The following MRTFB variants were observed in gnomAD, a reference collection of about 807,000 sequenced individuals.
The protein encoded by MRTFB is myocardin related transcription factor B.
MRTFB carries 29 observed loss-of-function variants against 104.2 expected under a neutral mutation model. That is an observed-to-expected ratio of 0.28 (90% CI 0.21 to 0.38). The LOEUF (loss-of-function observed/expected upper bound fraction) is 0.38. MRTFB is among the 10% of genes least tolerant of loss of function. The pLI is 1.00. For missense variants in MRTFB, 1,270 were observed against 1,341.6 expected, an observed-to-expected ratio of 0.95 and a Z score of 0.83; for synonymous variants, 535 against 519.5, an observed-to-expected ratio of 1.03 and a Z score of -0.41.
intron 3 of MRTFB, among the ~76,000 whole-genome samples, chr16:14,204,554 G>A (rs947271062): frequency 6.6e-6 from 1 of 152,090 alleles, no homozygotes; most frequent in African/African-American, 2.4e-5. Flanking sequence ...TAAAAGTAGA[G>A]CAAATTCAAA....
Position 14,264,080 on chromosome 16 carries a change from G to A in MRTFB, c.*2636G>A, listed in dbSNP as rs953533915. 3.3e-5 allele frequency: 5 copies of A among 152,102 alleles called. No homozygotes were observed. Among genetic ancestry groups the A allele is most frequent in the African/African-American group, 4.8e-5 (2 of 41,384 alleles). The allele number at this position is 152,102 out of a possible 1,614,324, so 9.4% of individuals were successfully genotyped here. ...AAGGGTGGATATTGACTAAAGACTG[G>A]TTGTTGTTGTTGTTTAGGTTAGTGT... On this transcript the variant is annotated 3_prime_UTR_variant, in exon 17 of 17. Coordinates refer to ENST00000571589, the MANE Select transcript of MRTFB (RefSeq NM_001308142.2).
chr16:14,043,095 A>G, the MRTFB span, among the ~76,000 whole-genome samples: 1 of 152,314 alleles, frequency 6.6e-6, no homozygotes, highest in Non-Finnish European at 1.5e-5. Flanking sequence ...TTGGAAAAGC[A>G]AACTTGTGGC....
chr16:14,111,426 A>G (rs1486920029), intron 2 of MRTFB, among the ~76,000 whole-genome samples: 1 of 152,214 alleles, frequency 6.6e-6, no homozygotes, highest in Non-Finnish European at 1.5e-5. Context: ...TGAAGGAGGT[A>G]GAAAATCCCC....
chr16:14,197,538 T>C (rs905694417), intron 3 of MRTFB, among the ~76,000 whole-genome samples: 2 of 152,218 alleles, frequency 1.3e-5, no homozygotes, highest in African/African-American at 4.8e-5. Flanking sequence ...AGAAAATTAT[T>C]TTGTTAATTT....
intron 2 of MRTFB, among the ~76,000 whole-genome samples, chr16:14,112,485 C>A (rs1221583454): frequency 6.6e-6 from 1 of 152,232 alleles, no homozygotes; most frequent in East Asian, 1.9e-4. Flanking sequence ...CCTAGTAAAG[C>A]AGGAGGATTG....
the MRTFB span, among the ~76,000 whole-genome samples, chr16:14,017,264 G>A: frequency 1.2e-3 from 186 of 151,872 alleles, 1 homozygote; most frequent in African/African-American, 3.9e-3. Context: ...CACCATGTTA[G>A]CCAGGATGGT....
chr16:14,219,172 A>C (rs1597282625), intron 8 of MRTFB, among the ~76,000 whole-genome samples, 174 bp downstream of exon 8: 2 of 152,216 alleles, frequency 1.3e-5, no homozygotes, highest in East Asian at 3.8e-4. Flanking sequence ...ATTTCCAGCC[A>C]CTATGTCTTC....
the MRTFB span, among the ~76,000 whole-genome samples, chr16:14,041,083 T>C: frequency 4.0e-5 from 6 of 150,006 alleles, no homozygotes; most frequent in African/African-American, 1.2e-4. Context: ...CAGTGAGCCA[T>C]GATGACACTG....
intron 3 of MRTFB, among the ~76,000 whole-genome samples, chr16:14,155,451 A>G (rs1202546927): frequency 1.3e-5 from 2 of 152,118 alleles, no homozygotes; most frequent in African/African-American, 4.8e-5. Context: ...CCTCCTATTT[A>G]AGAGTTGCAT....
intron 2 of MRTFB, among the ~76,000 whole-genome samples, chr16:14,089,805 G>A (rs2034942567): frequency 6.6e-6 from 1 of 152,184 alleles, no homozygotes; most frequent in Non-Finnish European, 1.5e-5. Flanking sequence ...ACTTTTCCAT[G>A]ATTGTGTTTT....
chr16:14,246,459 G>C lies in MRTFB; in HGVS notation c.1213-14G>C. 6.2e-7 allele frequency: 1 copy of C among 1,611,734 alleles called. No individual in the cohort carries two copies. Among genetic ancestry groups the C allele is most frequent in the Non-Finnish European group, 8.5e-7 (1 of 1,178,306 alleles). ...GCTCTAATACTAAGATATCTGCTTTGTTTGTACCTCCAGGTATCAGAACTG... is the reference window on the plus strand; with the variant it reads ...GCTCTAATACTAAGATATCTGCTTTCTTTGTACCTCCAGGTATCAGAACTG... On this transcript the variant is annotated splice_polypyrimidine_tract_variant and intron_variant, in intron 11 of 16. Transcript: ENST00000571589.
At chr16:14,127,929 A>ATTTTTTT (rs67001306) in intron 2 of MRTFB, among the ~76,000 whole-genome samples, 4 of 44,640 alleles carry the variant, frequency 9.0e-5, no homozygotes, top group African/African-American at 3.6e-4. Flanking sequence ...ATATATATAT[A>ATTTTTTT]TTTTTTTTTT....
chr16:14,196,740 A>C (rs1402341571), intron 3 of MRTFB, among the ~76,000 whole-genome samples: 2 of 152,210 alleles, frequency 1.3e-5, no homozygotes, highest in African/African-American at 4.8e-5. Context: ...TCAGACAGGA[A>C]GTGCTGGTGG....
At chr16:14,147,686 C>CGGGAG (rs2142730363) in intron 3 of MRTFB, among the ~76,000 whole-genome samples, 1 of 152,256 alleles carries the variant, frequency 6.6e-6, no homozygotes, top group Non-Finnish European at 1.5e-5. Flanking sequence ...CATCAGAATG[C>CGGGAG]TAACATGGGC....
intron 8 of MRTFB, among the ~76,000 whole-genome samples, chr16:14,219,225 G>A (rs1320983216): frequency 6.6e-6 from 1 of 152,088 alleles, no homozygotes; most frequent in African/African-American, 2.4e-5. Context: ...TTGGAGAGTT[G>A]AATGTTTTGA....
At chr16:14,163,213 GT>G (rs11360521) in intron 3 of MRTFB, among the ~76,000 whole-genome samples, 35,594 of 151,704 alleles carry the variant, frequency 0.23, 7,892 homozygotes, top group African/African-American at 0.58. Flanking sequence ...TTTCATATTA[GT>G]TTTTTTTATA....
the MRTFB span, among the ~76,000 whole-genome samples, chr16:14,014,888 ACT>A: frequency 1.3e-5 from 2 of 151,146 alleles, no homozygotes; most frequent in Non-Finnish European, 3.0e-5. Flanking sequence ...AAAATAAAAA[ACT>A]CTCAGTTCGG....
intron 2 of MRTFB, among the ~76,000 whole-genome samples, chr16:14,088,299 G>A (rs756204826): frequency 2.6e-5 from 4 of 152,150 alleles, no homozygotes; most frequent in Non-Finnish European, 5.9e-5. Context: ...AGTTCTGTGA[G>A]GATAGATGTA....
intron 8 of MRTFB, among the ~76,000 whole-genome samples, chr16:14,228,764 C>T (rs1272386681): frequency 6.7e-6 from 1 of 149,896 alleles, no homozygotes; most frequent in Non-Finnish European, 1.5e-5. Flanking sequence ...GCAAATTCTG[C>T]ATTCCGTCAT....
Sources: allele counts gnomAD v4.1 joint callset (sites outside exome capture counted in the v4.1 genomes callset), GRCh38; gene constraint gnomAD v4.1.1; transcripts MANE v1.5; gene names NCBI Gene and HGNC (gene_info 2026-07-23, HGNC 2026-07-21).